The following EMC3 variants were observed in gnomAD, a reference collection of about 807,000 sequenced individuals.
The protein encoded by EMC3 is ER membrane protein complex subunit 3, also known as 30 kDa protein.
A neutral mutation model predicts 36.6 loss-of-function variants in EMC3; 13 were observed. That is an observed-to-expected ratio of 0.35 (90% CI 0.23 to 0.56). The LOEUF (loss-of-function observed/expected upper bound fraction) is 0.56, where lower values mean the gene tolerates loss of function less well. EMC3 is among the 20% of genes least tolerant of loss of function. The pLI is 0.84. For missense variants in EMC3, 220 were observed against 324.5 expected, an observed-to-expected ratio of 0.68 and a Z score of 2.47; for synonymous variants, 120 against 111.9, an observed-to-expected ratio of 1.07 and a Z score of -0.46.
At chr3:9,965,830 C>T (rs1463130326) in intron 7 of EMC3, among the ~76,000 whole-genome samples, 2 of 152,204 alleles carry the variant, frequency 1.3e-5, no homozygotes, top group Non-Finnish European at 2.9e-5. Context: ...TTATTTATAG[C>T]TGAATAACAC....
At chr3:9,967,265 C>T (rs544077233) in intron 7 of EMC3, among the ~76,000 whole-genome samples, 2 of 149,750 alleles carry the variant, frequency 1.3e-5, no homozygotes, top group East Asian at 1.9e-4. Context: ...GCCTCAAACT[C>T]CTCAGCTCAA....
rs1559354610 is a variant in EMC3 at position 9,986,631 on chromosome 3, T to TG, written c.30dup (p.Asn11GlnfsTer41). 6.2e-7 allele frequency: 1 copy of TG among 1,614,120 alleles called. No individual in the cohort carries two copies. Among genetic ancestry groups the TG allele is most frequent in the East Asian group, 2.2e-5 (1 of 44,890 alleles). Reference sequence around the variant, plus strand: ...GGTAGGACCACCCAGAGGCGGATGTTGGAGTCGAGCAACAGTTCTGGCCCT... The same window carrying TG: ...GGTAGGACCACCCAGAGGCGGATGTTGGGAGTCGAGCAACAGTTCTGGCCCT... On this transcript the variant is annotated frameshift_variant, in exon 1 of 8. Coordinates refer to ENST00000245046, the MANE Select transcript of EMC3 (RefSeq NM_001394674.1). LOFTEE classifies it high-confidence loss of function.
At chr3:9,990,169 C>T (rs1320629366), upstream of EMC3, among the ~76,000 whole-genome samples, 16 of 150,814 alleles carry the variant, frequency 1.1e-4, no homozygotes, top group Admixed American at 9.3e-4. Flanking sequence ...GGACTACAGG[C>T]GCCTGCCACC....
At position 9,980,560 on chromosome 3, in the gene EMC3, T is replaced by G. The variant is rs570360723; in HGVS notation, c.156-3114A>C. 2.1e-4 allele frequency among the ~76,000 whole-genome samples: 32 copies of G among 148,908 alleles called. 2 individuals carry two copies. The highest frequency in any genetic ancestry group is 2.0e-3 in the East Asian group (10 of 5,004). On this transcript the variant is annotated intron_variant, in intron 1 of 7. Transcript: ENST00000245046. ...TTTGTGTTTTGTTTTTTTTGTTTTT[T>G]TTTTTTTTGTAGAGACAGGGTCTCA...
chr3:9,963,471 A>ATTTTT lies in EMC3; in HGVS notation c.*597_*598insAAAAA, dbSNP rs1209408583. The ATTTTT allele has an allele frequency of 7.9e-4, 87 of 109,892 alleles. No homozygotes were observed. Among genetic ancestry groups the ATTTTT allele is most frequent in the African/African-American group, 2.8e-3 (80 of 28,418 alleles). 6.8% of individuals were successfully genotyped at this position (109,892 alleles called of 1,614,324 possible). A position where few individuals can be genotyped will look rare whatever the true frequency, so the allele number is the denominator to read the frequency against. On this transcript the variant is annotated 3_prime_UTR_variant, in exon 8 of 8. Transcript: ENST00000245046. Reference sequence around the variant, plus strand: ...CTAAGATAGATATATATATATATATATATATATTTTTTTTTTTTTTTCAGA... The same window carrying ATTTTT: ...CTAAGATAGATATATATATATATATATTTTTTATATATTTTTTTTTTTTTTTCAGA...
upstream of EMC3, chr3:9,988,593 G>C (rs1421558024): frequency 1.1e-6 from 1 of 882,268 alleles, no homozygotes; most frequent in Non-Finnish European, 1.9e-6. Flanking sequence ...GGAAATGATA[G>C]CTGATGGTTG....
intron 3 of EMC3, among the ~76,000 whole-genome samples, chr3:9,975,188 G>A (rs944448956): frequency 1.3e-5 from 2 of 152,094 alleles, no homozygotes; most frequent in African/African-American, 4.8e-5. Context: ...TGTCTGCATA[G>A]GATTCCATGG....
intron 7 of EMC3, among the ~76,000 whole-genome samples, chr3:9,968,337 T>C (rs969210295): frequency 6.6e-6 from 1 of 152,266 alleles, no homozygotes; most frequent in African/African-American, 2.4e-5. Flanking sequence ...AGAAATACAA[T>C]TGATGTTGAA....
chr3:10,002,035 G>A lies in EMC3; in HGVS notation c.-242+8988C>T, dbSNP rs147027641. ...TATATATATATTGAAATCAGGAAGT[G>A]TGAGCCCTCCAACTTTGCTCTTTTT... On this transcript the variant is annotated intron_variant, in intron 1 of 8. Coordinates refer to the EMC3 transcript ENST00000470827. Among the ~76,000 whole-genome samples, 156 of 151,834 alleles carry A rather than the reference G, an allele frequency of 1.0e-3. 2 individuals carry two copies. In the East Asian group the frequency reaches 0.022, roughly 21 times the overall value.
chr3:10,008,096 G>A (rs1165120981), intron 1 of EMC3, among the ~76,000 whole-genome samples: 1 of 152,192 alleles, frequency 6.6e-6, no homozygotes, highest in Admixed American at 6.5e-5. Context: ...CCCCCAGAAA[G>A]AGGGCCCCTG....
At chr3:9,995,785 GT>G (rs2086116056) in intron 1 of EMC3, among the ~76,000 whole-genome samples, 1 of 151,772 alleles carries the variant, frequency 6.6e-6, no homozygotes. Context: ...CTACAGGCAC[GT>G]GTCACCACAA....
chr3:10,005,643 T>C (rs942117838), intron 1 of EMC3, among the ~76,000 whole-genome samples: 9 of 152,102 alleles, frequency 5.9e-5, no homozygotes, highest in African/African-American at 2.2e-4. Flanking sequence ...TCCTTCACTG[T>C]AACTGATGAA....
chr3:10,008,455 G>A (rs756745721), intron 1 of EMC3: 4 of 1,367,598 alleles, frequency 2.9e-6, no homozygotes, highest in East Asian at 9.1e-5. Context: ...TCCCTTTGCT[G>A]CCAGCAGCCT....
upstream of EMC3, among the ~76,000 whole-genome samples, chr3:9,990,325 C>CTT (rs4020037): frequency 0.15 from 13,410 of 88,598 alleles, 1,357 homozygotes; most frequent in Non-Finnish European, 0.18. Context: ...GGGCCTTTCT[C>CTT]TTTTTTTTTT....
chr3:9,971,588 C>T (rs1271100377), intron 5 of EMC3, among the ~76,000 whole-genome samples: 1 of 152,176 alleles, frequency 6.6e-6, no homozygotes, highest in African/African-American at 2.4e-5. Flanking sequence ...CGCGTCTGTC[C>T]ATGACTGCAT....
intron 1 of EMC3, chr3:10,008,507 G>A (rs773329324): frequency 2.2e-6 from 3 of 1,364,082 alleles, no homozygotes; most frequent in Admixed American, 3.8e-5. Context: ...TGACAGCCAT[G>A]GAGGGTGGGG....
chr3:9,998,366 AAATAATAAT>A lies in EMC3; in HGVS notation c.-241-11473_-241-11465del, dbSNP rs35879571. Among the ~76,000 whole-genome samples the A allele has an allele frequency of 6.8e-3, 935 of 137,378 alleles. 4 individuals carry two copies. The highest frequency in any genetic ancestry group is 0.017 in the African/African-American group (640 of 37,524). The allele number at this position is 137,378 out of a possible 152,430, so 90.1% of individuals were successfully genotyped here. Reference sequence around the variant, plus strand: ...GGGCAACAGAGCGAGACTCTGTCTCAAATAATAATAATAATAATAATAATAATAATAATA... The same window carrying A: ...GGGCAACAGAGCGAGACTCTGTCTCAAATAATAATAATAATAATAATAATA... On this transcript the variant is annotated intron_variant, in intron 1 of 8. Coordinates refer to the EMC3 transcript ENST00000470827.
At chr3:9,977,590 TC>T in intron 1 of EMC3, 144 bp from the exon 2 acceptor site, 1 of 615,264 alleles carries the variant, frequency 1.6e-6, no homozygotes, top group Non-Finnish European at 2.8e-6. Context: ...AATACAAGTA[TC>T]TTTAAAACCA....
chr3:10,007,645 G>C (rs1427011845), intron 1 of EMC3: 4 of 1,356,216 alleles, frequency 2.9e-6, no homozygotes, highest in Non-Finnish European at 3.9e-6. Flanking sequence ...AGGGGGTGGT[G>C]GGAATGGGGG....
Sources: allele counts gnomAD v4.1 joint callset (sites outside exome capture counted in the v4.1 genomes callset), GRCh38; gene constraint gnomAD v4.1.1; transcripts MANE v1.5; gene names NCBI Gene and HGNC (gene_info 2026-07-23, HGNC 2026-07-21).